Variants in NEK11 observed in about 807,000 individuals in gnomAD.
NEK11 encodes the protein serine/threonine-protein kinase Nek11.
In NEK11, 72 loss-of-function variants were observed where a neutral mutation model predicts 80.7. The ratio of observed to expected loss-of-function variants is 0.89; its 90% confidence interval spans 0.74 to 1.08. The LOEUF (loss-of-function observed/expected upper bound fraction) is 1.08, where lower values mean the gene tolerates loss of function less well. Among genes scored for constraint, NEK11 ranks in the 50% least tolerant of loss-of-function variants. NEK11 has a pLI of 0.00. For missense variants in NEK11, 764 were observed against 763.6 expected, an observed-to-expected ratio of 1.00 and a Z score of -0.01; for synonymous variants, 251 against 260.7, an observed-to-expected ratio of 0.96 and a Z score of 0.36.
chr3:131,218,538 C>G (rs2094918081), intron 14 of NEK11, among the ~76,000 whole-genome samples: 1 of 152,168 alleles, frequency 6.6e-6, no homozygotes, highest in Admixed American at 6.5e-5. Context: ...TGTGTGCTGT[C>G]AGCAACTGTT....
intron 3 of NEK11, among the ~76,000 whole-genome samples, chr3:131,074,353 G>A (rs1175224610): frequency 6.6e-6 from 1 of 152,004 alleles, no homozygotes; most frequent in Non-Finnish European, 1.5e-5. Flanking sequence ...AAACAAGGAG[G>A]GAAGGAGAGG....
intron 3 of NEK11, among the ~76,000 whole-genome samples, chr3:131,036,614 C>T (rs999356830): frequency 6.6e-6 from 1 of 152,150 alleles, no homozygotes; most frequent in African/African-American, 2.4e-5. Context: ...CAAGGCTTCC[C>T]TGAGAACTGT....
chr3:131,309,624 A>G (rs2096757597), intron 17 of NEK11, among the ~76,000 whole-genome samples: 1 of 151,178 alleles, frequency 6.6e-6, no homozygotes, highest in African/African-American at 2.4e-5. Context: ...TTTTTTTGAC[A>G]ATATTATCTG....
chr3:131,170,374 G>T (rs1216132879), intron 13 of NEK11, among the ~76,000 whole-genome samples: 1 of 152,190 alleles, frequency 6.6e-6, no homozygotes, highest in Non-Finnish European at 1.5e-5. Context: ...AAGTCATTCA[G>T]GCTAACACCT....
At chr3:131,153,235 C>T (rs989939200) in intron 9 of NEK11, among the ~76,000 whole-genome samples, 1 of 152,150 alleles carries the variant, frequency 6.6e-6, no homozygotes, top group African/African-American at 2.4e-5. Context: ...ACTCAACATC[C>T]ACCCTTGGAG....
At chr3:131,176,478 C>T (rs2150119943) in intron 14 of NEK11, among the ~76,000 whole-genome samples, 1 of 152,246 alleles carries the variant, frequency 6.6e-6, no homozygotes, top group East Asian at 1.9e-4. Context: ...TACTTGCTCT[C>T]AGGAATAAAG....
chr3:131,298,186 T>C (rs868247139), intron 17 of NEK11, among the ~76,000 whole-genome samples: 3,179 of 151,980 alleles, frequency 0.021, 106 homozygotes, highest in African/African-American at 0.072. Context: ...AGTAGTTTTT[T>C]TCCAATTCTG....
intron 16 of NEK11, among the ~76,000 whole-genome samples, chr3:131,253,995 T>C (rs2095757215): frequency 6.6e-6 from 1 of 152,176 alleles, no homozygotes; most frequent in Non-Finnish European, 1.5e-5. Flanking sequence ...CTCCCCTTGC[T>C]ACACATGGAT....
intron 14 of NEK11, among the ~76,000 whole-genome samples, chr3:131,220,536 A>G (rs757859274): frequency 2.6e-4 from 39 of 152,158 alleles, no homozygotes; most frequent in Non-Finnish European, 5.9e-5. Context: ...ACAAGAATAA[A>G]TCAGTTTGTT....
intron 17 of NEK11, among the ~76,000 whole-genome samples, chr3:131,326,879 T>G (rs1035570385): frequency 6.6e-6 from 1 of 152,192 alleles, no homozygotes; most frequent in African/African-American, 2.4e-5. Context: ...GGGAAAGTGA[T>G]TAAGTCATGA....
At chr3:131,309,226 C>A (rs1179503410) in intron 17 of NEK11, among the ~76,000 whole-genome samples, 2 of 152,174 alleles carry the variant, frequency 1.3e-5, no homozygotes, top group African/African-American at 4.8e-5. Context: ...CTTTGGGATT[C>A]TTGTTGTCTG....
chr3:131,147,240 A>AC (rs939713543), intron 7 of NEK11, among the ~76,000 whole-genome samples: 2 of 152,002 alleles, frequency 1.3e-5, no homozygotes, highest in African/African-American at 4.8e-5. Flanking sequence ...TGTGTATGTG[A>AC]CTATATGGTA....
chr3:131,238,713 A>C (rs928919422), intron 15 of NEK11, among the ~76,000 whole-genome samples: 2 of 152,122 alleles, frequency 1.3e-5, no homozygotes, highest in Non-Finnish European at 2.9e-5. Context: ...AGTGAGGGAA[A>C]GCTCCAGGTC....
chr3:131,059,765 G>A (rs557749791), intron 3 of NEK11, among the ~76,000 whole-genome samples: 128 of 152,310 alleles, frequency 8.4e-4, no homozygotes, highest in African/African-American at 2.8e-3. Flanking sequence ...CTCTTTCAGA[G>A]AACTTACTGT....
intron 17 of NEK11, among the ~76,000 whole-genome samples, chr3:131,313,217 C>G (rs1214105007): frequency 1.3e-5 from 2 of 152,162 alleles, no homozygotes; most frequent in Non-Finnish European, 2.9e-5. Context: ...TTTATCCATT[C>G]TACCATTGAT....
At chr3:131,149,047 A>AT (rs1215005663) in intron 7 of NEK11, among the ~76,000 whole-genome samples, 2 of 151,856 alleles carry the variant, frequency 1.3e-5, no homozygotes, top group Non-Finnish European at 2.9e-5. Context: ...TGTTAACTAT[A>AT]TTTTTTGTGT....
chr3:131,345,957 A>G (rs1268237128), intron 17 of NEK11, among the ~76,000 whole-genome samples: 1 of 152,042 alleles, frequency 6.6e-6, no homozygotes, highest in African/African-American at 2.4e-5. Context: ...CCTCAATTAT[A>G]TATGGAATAT....
Position 131,155,072 on chromosome 3 carries a change from G to A in NEK11, c.913G>A (p.Asp305Asn). ...MCRYSEMTLE[D>N]KNLDCQKEAA... ...TAGATATTCAGAAATGACTCTGGAA[G>A]ACAAAAATTTGGATTGTCAGAAGGA... Residue 305 changes from aspartate (D) to asparagine (N), a missense_variant, in exon 10 of 18, where the codon GAC (aspartate) becomes AAC (asparagine). Asp to Asn is a conservative substitution (Grantham distance 23, BLOSUM62 1). Transcript: ENST00000383366. The A allele has an allele frequency of 1.9e-6, 3 of 1,612,272 alleles. No homozygotes were observed. In the South Asian group the frequency reaches 3.3e-5, roughly 18 times the overall value.
At chr3:131,082,772 C>A (rs1048973586) in intron 4 of NEK11, among the ~76,000 whole-genome samples, 2 of 152,018 alleles carry the variant, frequency 1.3e-5, no homozygotes, top group Non-Finnish European at 2.9e-5. Context: ...TTCCATATGC[C>A]CTTTATCCAG....
Sources: gnomAD v4.1 joint callset for allele counts (sites outside exome capture counted in the v4.1 genomes callset) on GRCh38, gnomAD v4.1.1 for gene constraint, MANE v1.5 for transcripts, NCBI Gene and HGNC (gene_info 2026-07-23, HGNC 2026-07-21) for gene names.